The following ACTN4 variants were observed in gnomAD, a reference collection of about 807,000 sequenced individuals.
ACTN4 encodes actinin alpha 4, also known as alpha-actinin-4.
Under a neutral mutation model 114.2 loss-of-function variants are expected in ACTN4, and 18 were observed. That is an observed-to-expected ratio of 0.16 (90% CI 0.11 to 0.23). The LOEUF (loss-of-function observed/expected upper bound fraction) is 0.23, where lower values mean the gene tolerates loss of function less well. Ranked by LOEUF, ACTN4 falls within the 10% of genes least tolerant of loss-of-function variation. The pLI, the probability that ACTN4 is intolerant of heterozygous loss-of-function variation, is 1.00. For synonymous variants in ACTN4, 515 were observed against 506.3 expected, an observed-to-expected ratio of 1.02 and a Z score of -0.23; for missense variants, 722 against 1,262.9, an observed-to-expected ratio of 0.57 and a Z score of 6.49.
chr19:38,699,771 A>G (rs1229114457), intron 1 of ACTN4, among the ~76,000 whole-genome samples: 3 of 151,352 alleles, frequency 2.0e-5, no homozygotes, highest in Non-Finnish European at 4.4e-5. Context: ...AAAAAAAGGA[A>G]AAAAAAGAAT....
intron 4 of ACTN4, among the ~76,000 whole-genome samples, chr19:38,705,532 G>A (rs969893583): frequency 2.6e-5 from 4 of 152,228 alleles, no homozygotes; most frequent in Admixed American, 6.5e-5. Flanking sequence ...GTGCCAGGTC[G>A]CAGTGATGAC....
At chr19:38,668,991 CT>C (rs772964864) in intron 1 of ACTN4, among the ~76,000 whole-genome samples, 36 of 151,928 alleles carry the variant, frequency 2.4e-4, no homozygotes, top group Non-Finnish European at 4.6e-4. Flanking sequence ...TGGGATCCAG[CT>C]TTTTTTCTTT....
chr19:38,704,430 G>A (rs1033955783), intron 3 of ACTN4, among the ~76,000 whole-genome samples: 1 of 152,264 alleles, frequency 6.6e-6, no homozygotes, highest in Non-Finnish European at 1.5e-5. Flanking sequence ...CAGTAGGATT[G>A]GAAGGAAGTG....
chr19:38,665,300 G>T (rs760313141), intron 1 of ACTN4, among the ~76,000 whole-genome samples: 7 of 152,370 alleles, frequency 4.6e-5, no homozygotes, highest in Admixed American at 1.3e-4. Flanking sequence ...TGGGCAGGTG[G>T]CGGGGGTTAA....
At chr19:38,714,889 G>A (rs1968788698) in intron 9 of ACTN4, among the ~76,000 whole-genome samples, 1 of 152,236 alleles carries the variant, frequency 6.6e-6, no homozygotes, top group Non-Finnish European at 1.5e-5. Context: ...CTCTTCCCGT[G>A]CCCTGGCCCT....
At position 38,723,948 on chromosome 19, in the gene ACTN4, G is replaced by A. The variant is rs533226955; in HGVS notation, c.1563G>A (p.Lys521=). Residue 521 remains lysine (K), a synonymous_variant, in exon 14 of 21, where the codon AAG becomes AAA. Transcript: ENST00000252699. ...CTCCCACACACTAGAAAACAGAGAA[G>A]CAGCTGGAGGCCATCGACCAGCTGC... ...SRREALEKTE[K]QLEAIDQLHL... is the part of the protein sequence containing the mutation. 9.3e-6 allele frequency: 15 copies of A among 1,612,556 alleles called. No homozygotes were observed. The African/African-American group carries it at 1.7e-4, about 19-fold the overall frequency.
At chr19:38,725,286 G>A (rs955753258) in intron 16 of ACTN4, among the ~76,000 whole-genome samples, 9 of 152,144 alleles carry the variant, frequency 5.9e-5, no homozygotes, top group African/African-American at 1.4e-4. Context: ...TGCCAGCCAC[G>A]CAGCATGTGG....
chr19:38,667,004 C>T (rs1272068493), intron 1 of ACTN4, among the ~76,000 whole-genome samples: 3 of 152,082 alleles, frequency 2.0e-5, no homozygotes, highest in African/African-American at 4.8e-5. Flanking sequence ...TAATTATCAG[C>T]GAGCATGAGG....
intron 1 of ACTN4, among the ~76,000 whole-genome samples, chr19:38,671,685 C>T (rs1181835755): frequency 6.6e-6 from 1 of 152,038 alleles, no homozygotes; most frequent in African/African-American, 2.4e-5. Context: ...TCCCTGAAAA[C>T]TTCAGGCCAT....
rs571290343 is a variant in ACTN4, at chr19:38,668,213, A to T, written c.162+20306A>T. Among the ~76,000 whole-genome samples, 6 of 152,286 alleles carry T rather than the reference A, an allele frequency of 3.9e-5. No individual in the cohort carries two copies. In the South Asian group the frequency reaches 1.2e-3, roughly 32 times the overall value. ...CCTGTGCCCCTCCTAACATCCTAAC[A>T]GCTTTAGAAGGAAGTTTGAAGATTA... On this transcript the variant is annotated intron_variant, in intron 1 of 20. Transcript: ENST00000252699.
At chr19:38,690,009 A>G (rs1967871216) in intron 1 of ACTN4, among the ~76,000 whole-genome samples, 1 of 152,212 alleles carries the variant, frequency 6.6e-6, no homozygotes, top group Admixed American at 6.5e-5. Context: ...CCAATCAGGC[A>G]GTAAAGAGGG....
chr19:38,711,753 C>T (rs906496250), intron 8 of ACTN4, among the ~76,000 whole-genome samples: 1 of 152,258 alleles, frequency 6.6e-6, no homozygotes, highest in East Asian at 1.9e-4. Flanking sequence ...CCAAGCCCTT[C>T]GTGGGGAGCA....
chr19:38,728,589 C>T (rs1421970438), intron 19 of ACTN4, among the ~76,000 whole-genome samples: 3 of 152,096 alleles, frequency 2.0e-5, no homozygotes. Flanking sequence ...TCCCGAGCCC[C>T]CCTTCTTCCC....
At chr19:38,695,372 T>C (rs1490402467) in intron 1 of ACTN4, among the ~76,000 whole-genome samples, 3 of 152,204 alleles carry the variant, frequency 2.0e-5, no homozygotes, top group African/African-American at 7.2e-5. Context: ...GAGAGCTCGA[T>C]GCTTTTTGCC....
At position 38,730,544 on chromosome 19, in the gene ACTN4, C is replaced by T. The variant is rs753250986; in HGVS notation, c.*1112C>T. The T allele has an allele frequency of 6.1e-5, 28 of 461,190 alleles. No individual in the cohort carries two copies. The highest frequency in any genetic ancestry group is 1.0e-4 in the Non-Finnish European group (26 of 256,806). The allele number at this position is 461,190 out of a possible 1,614,324, so 28.6% of individuals were successfully genotyped here. The stretch of plus-strand genomic sequence containing the variant: ...TTTTTAAGAAGGATTCCTGCAGCAT[C>T]ATCTTTTTTTATTTCTCCTGTGTCT... On this transcript the variant is annotated 3_prime_UTR_variant, in exon 21 of 21. Transcript: ENST00000252699.
chr19:38,669,062 C>G (rs1967053777), intron 1 of ACTN4, among the ~76,000 whole-genome samples: 1 of 152,216 alleles, frequency 6.6e-6, no homozygotes, highest in African/African-American at 2.4e-5. Flanking sequence ...ACTTGGCTCA[C>G]TGCAACCTCT....
intron 4 of ACTN4, 87 bp downstream of exon 4, chr19:38,705,107 C>T (rs78078603): frequency 2.3e-6 from 3 of 1,278,584 alleles, no homozygotes; most frequent in Admixed American, 1.7e-5. Context: ...TGCTTCAAGC[C>T]TCTTCCTGTT....
Position 38,727,105 on chromosome 19 carries a change from T to C in ACTN4, c.2337+2T>C. On this transcript the variant is annotated splice_donor_variant, in intron 18 of 20. Transcript: ENST00000252699. LOFTEE classifies it high-confidence loss of function. This position sits in a 1 kb window ranked among gnomAD's most constrained non-coding sequence, Gnocchi z 5.4. ...GCGTCCTTCAACCACTTCGACAAGG[T>C]GAGCAGCCTGCCACCTCCTCGGCCT... is the stretch of plus-strand genomic sequence containing the variant. 1 of 1,613,794 alleles carries C rather than the reference T, an allele frequency of 6.2e-7. No homozygotes were observed.
At chr19:38,650,789 GC>G (rs756333309) in intron 1 of ACTN4, among the ~76,000 whole-genome samples, 1 of 152,072 alleles carries the variant, frequency 6.6e-6, no homozygotes, top group Non-Finnish European at 1.5e-5. Context: ...TGCTCTTGTT[GC>G]CCGGGCGTGA....
Sources: allele counts gnomAD v4.1 joint callset (sites outside exome capture counted in the v4.1 genomes callset), GRCh38; gene constraint gnomAD v4.1.1; non-coding constraint Gnocchi (gnomAD v3.1); transcripts MANE v1.5; gene names NCBI Gene and HGNC (gene_info 2026-07-23, HGNC 2026-07-21).